Variants in DLG2 observed in about 807,000 individuals in gnomAD.
The protein encoded by DLG2 is disks large homolog 2.
DLG2 carries 45 observed loss-of-function variants against 132.5 expected under a neutral mutation model. The observed-to-expected ratio is 0.34, with a 90% CI of 0.27 to 0.44. The LOEUF (loss-of-function observed/expected upper bound fraction) is 0.44. Among genes scored for constraint, DLG2 ranks in the 20% least tolerant of loss-of-function variants. The pLI is 1.00. For missense variants in DLG2, 1,045 were observed against 1,196.9 expected (o/e 0.87, Z 1.87); for synonymous variants, 424 against 419.6 (o/e 1.01, Z -0.13).
intron 9 of DLG2, among the ~76,000 whole-genome samples, chr11:84,107,511 T>A (rs1172433902): frequency 1.3e-5 from 2 of 152,006 alleles, no homozygotes; most frequent in African/African-American, 4.8e-5. Context: ...TATAAATATA[T>A]CTTGCAATGA....
intron 3 of DLG2, among the ~76,000 whole-genome samples, chr11:85,412,556 G>A (rs2089409682): frequency 6.6e-6 from 1 of 151,500 alleles, no homozygotes; most frequent in African/African-American, 2.4e-5. Context: ...AGTTCACTGT[G>A]TTATTCTAAT....
chr11:84,194,937 C>T (rs142248954), intron 8 of DLG2, among the ~76,000 whole-genome samples: 1,805 of 152,282 alleles, frequency 0.012, 40 homozygotes, highest in African/African-American at 0.038. Flanking sequence ...GTCCTGGCCG[C>T]GTGCAGCCTC....
intron 6 of DLG2, among the ~76,000 whole-genome samples, chr11:84,840,963 A>G (rs2080579122): frequency 6.6e-6 from 1 of 151,608 alleles, no homozygotes; most frequent in Admixed American, 6.6e-5. Context: ...TGTTGTGCTC[A>G]TGTACCTTTG....
chr11:84,706,159 C>A (rs1198067043), intron 6 of DLG2, among the ~76,000 whole-genome samples: 3 of 151,774 alleles, frequency 2.0e-5, no homozygotes, highest in African/African-American at 7.3e-5. Context: ...AGCGTCCATA[C>A]CATTGTAAGG....
chr11:85,551,612 T>A (rs973106291), intron 3 of DLG2, among the ~76,000 whole-genome samples: 1 of 152,088 alleles, frequency 6.6e-6, no homozygotes, highest in Non-Finnish European at 1.5e-5. Flanking sequence ...TTCAAATTAA[T>A]AACATTAATT....
At chr11:85,429,969 CAAT>C (rs1312025992) in intron 3 of DLG2, among the ~76,000 whole-genome samples, 2 of 152,066 alleles carry the variant, frequency 1.3e-5, no homozygotes, top group East Asian at 3.9e-4. Flanking sequence ...AAATGTCCAA[CAAT>C]GATAGACTGG....
chr11:84,868,114 T>A (rs982403614), intron 6 of DLG2, among the ~76,000 whole-genome samples: 1 of 147,950 alleles, frequency 6.8e-6, no homozygotes, highest in African/African-American at 2.5e-5. Context: ...TTATTATATA[T>A]TAATAATTAT....
chr11:83,668,665 AT>A (rs1292872929), intron 18 of DLG2, among the ~76,000 whole-genome samples: 1 of 151,248 alleles, frequency 6.6e-6, no homozygotes, highest in African/African-American at 2.4e-5. Flanking sequence ...GTATATATGT[AT>A]AAGTATATAT....
chr11:83,863,122 A>C (rs1164778145), intron 16 of DLG2, among the ~76,000 whole-genome samples: 1 of 152,236 alleles, frequency 6.6e-6, no homozygotes, highest in South Asian at 2.1e-4. Flanking sequence ...AACAGAGATC[A>C]GTGGAGACCC....
intron 6 of DLG2, among the ~76,000 whole-genome samples, chr11:84,705,253 G>A (rs1329507435): frequency 6.6e-6 from 1 of 151,650 alleles, no homozygotes; most frequent in Non-Finnish European, 1.5e-5. Flanking sequence ...ACACATAGGG[G>A]AATTTTCCAG....
intron 6 of DLG2, among the ~76,000 whole-genome samples, chr11:84,873,792 T>C (rs2085878374): frequency 6.6e-6 from 1 of 152,206 alleles, no homozygotes; most frequent in Admixed American, 6.5e-5. Context: ...TTCCTGAAAA[T>C]AATAACTTGA....
At chr11:83,675,698 T>C (rs2077562003) in intron 18 of DLG2, among the ~76,000 whole-genome samples, 1 of 152,230 alleles carries the variant, frequency 6.6e-6, no homozygotes, top group African/African-American at 2.4e-5. Flanking sequence ...TTTCTGTTCC[T>C]TATTCTACTG....
chr11:85,171,807 G>A (rs1395729947), intron 4 of DLG2, among the ~76,000 whole-genome samples: 1 of 152,200 alleles, frequency 6.6e-6, no homozygotes, highest in African/African-American at 2.4e-5. Flanking sequence ...TGTCTGGACT[G>A]GAAGGAGTTC....
At chr11:84,267,894 CTCTT>C (rs1212623813) in intron 7 of DLG2, among the ~76,000 whole-genome samples, 1 of 152,236 alleles carries the variant, frequency 6.6e-6, no homozygotes, top group Non-Finnish European at 1.5e-5. Flanking sequence ...TGAAAATAAT[CTCTT>C]TCTTGAGGTT....
chr11:84,358,363 A>ATTTTT (rs770602681), intron 7 of DLG2, among the ~76,000 whole-genome samples: 1 of 121,480 alleles, frequency 8.2e-6, no homozygotes, highest in African/African-American at 3.0e-5. Context: ...AAGTCCCAGT[A>ATTTTT]TTTTTTTTTT....
chr11:85,123,236 C>T (rs1307495028), intron 5 of DLG2, among the ~76,000 whole-genome samples: 1 of 151,786 alleles, frequency 6.6e-6, no homozygotes, highest in African/African-American at 2.4e-5. Flanking sequence ...CTCGGCCTCC[C>T]AAAGTGCTGG....
chr11:84,506,339 T>C (rs2099240913), intron 7 of DLG2, among the ~76,000 whole-genome samples: 1 of 151,738 alleles, frequency 6.6e-6, no homozygotes, highest in Non-Finnish European at 1.5e-5. Context: ...CCTCCCAAAG[T>C]GCTGGGATTA....
intron 6 of DLG2, among the ~76,000 whole-genome samples, chr11:84,951,996 T>A (rs191263516): frequency 3.9e-3 from 599 of 152,296 alleles, no homozygotes; most frequent in South Asian, 0.017. Flanking sequence ...TGCATAATTA[T>A]AAATTTTCTC....
At position 85,013,055 on chromosome 11, in the gene DLG2, T is replaced by C. The variant is rs146922838; in HGVS notation, c.357+98606A>G. 5.6e-3 allele frequency among the ~76,000 whole-genome samples: 855 copies of C among 152,300 alleles called. 5 individuals are homozygous for C. Among genetic ancestry groups the C allele is most frequent in the African/African-American group, 0.019 (784 of 41,572 alleles). On this transcript the variant is annotated intron_variant, in intron 6 of 27. Transcript: ENST00000376104. The stretch of plus-strand genomic sequence containing the variant: ...AAAATTTAATGTCATGTACCTGCCT[T>C]CAGAGATAGTATTTAATATCAAATT...
Sources: allele counts gnomAD v4.1 joint callset (sites outside exome capture counted in the v4.1 genomes callset), GRCh38; gene constraint gnomAD v4.1.1; transcripts MANE v1.5; gene names NCBI Gene and HGNC (gene_info 2026-07-23, HGNC 2026-07-21).